Variants in POLH observed in about 807,000 individuals in gnomAD.
The protein encoded by POLH is DNA polymerase eta.
Under a neutral mutation model 73.6 loss-of-function variants are expected in POLH, and 53 were observed. The observed-to-expected ratio is 0.72, with a 90% CI of 0.58 to 0.91. POLH has a LOEUF of 0.91. POLH is among the 40% of genes least tolerant of loss of function. POLH has a pLI of 0.00. For missense variants in POLH, 768 were observed against 865.4 expected, an observed-to-expected ratio of 0.89 and a Z score of 1.41; for synonymous variants, 292 against 308.5, an observed-to-expected ratio of 0.95 and a Z score of 0.56.
intron 1 of POLH, chr6:43,578,395 A>G (rs1440336171): frequency 6.9e-6 from 3 of 437,236 alleles, no homozygotes; most frequent in African/African-American, 6.2e-5. Context: ...CTCAAAAACA[A>G]CAACAACAAC....
chr6:43,580,874 G>C (rs1443053924), intron 1 of POLH, among the ~76,000 whole-genome samples: 1 of 142,818 alleles, frequency 7.0e-6, no homozygotes, highest in Non-Finnish European at 1.5e-5. Flanking sequence ...CAGACGGGGC[G>C]GCTGGCCGGG....
chr6:43,598,545 G>T (rs1282342904), intron 5 of POLH, among the ~76,000 whole-genome samples: 1 of 151,710 alleles, frequency 6.6e-6, no homozygotes, highest in Non-Finnish European at 1.5e-5. Context: ...TGAGGCAGGA[G>T]AATTGCTTTA....
At chr6:43,583,189 T>C (rs756991814) in intron 3 of POLH, 48 bp downstream of exon 3, 1 of 1,550,568 alleles carries the variant, frequency 6.4e-7, no homozygotes, top group East Asian at 2.3e-5. Flanking sequence ...TCGAAAATAA[T>C]ACTCCATGAG....
At chr6:43,610,445 C>T (rs1484195520) in intron 9 of POLH, 109 bp from the exon 10 acceptor site, 1 of 880,756 alleles carries the variant, frequency 1.1e-6, no homozygotes, top group South Asian at 1.4e-5. Flanking sequence ...CTACTGTTTC[C>T]AAACCATTGT....
In POLH at chr6:43,607,952, G is replaced by A. The variant is rs531429723; in HGVS notation, c.1075-2602G>A. On this transcript the variant is annotated intron_variant, in intron 9 of 10. Coordinates refer to ENST00000372236, the MANE Select transcript of POLH (RefSeq NM_006502.3). ...TCGAGGGTAGCCTGGCCAACATGGC[G>A]AAACCCTGTCTCTACTAAAAATACA... Among the ~76,000 whole-genome samples, 45 of 152,252 alleles carry A rather than the reference G, an allele frequency of 3.0e-4. 1 individual carries two copies. The South Asian group carries it at 7.5e-3, about 25-fold the overall frequency.
intron 4 of POLH, among the ~76,000 whole-genome samples, chr6:43,589,897 T>C (rs1765247575): frequency 6.6e-6 from 1 of 152,132 alleles, no homozygotes; most frequent in Admixed American, 6.6e-5. Context: ...CATTTTCTAC[T>C]TGATTATTGA....
Position 43,617,452 on chromosome 6 carries a change from C to A in POLH, c.*2895C>A, listed in dbSNP as rs1381992171. On this transcript the variant is annotated 3_prime_UTR_variant, in exon 11 of 11. Coordinates refer to ENST00000372236, the MANE Select transcript of POLH (RefSeq NM_006502.3). ...ACCAGGCTGGCCAACATGGGGAAAA[C>A]CCATCTCTACAAAAAATAACAAAAA... Among the ~76,000 whole-genome samples the A allele has an allele frequency of 6.6e-6, 1 of 151,484 alleles. No homozygotes were observed. Among genetic ancestry groups the A allele is most frequent in the Non-Finnish European group, 1.5e-5 (1 of 67,950 alleles).
At chr6:43,607,275 A>G (rs1314690749) in intron 9 of POLH, among the ~76,000 whole-genome samples, 1 of 152,098 alleles carries the variant, frequency 6.6e-6, no homozygotes, top group African/African-American at 2.4e-5. Flanking sequence ...TTGTATTTTT[A>G]GTAGAGATAG....
intron 9 of POLH, among the ~76,000 whole-genome samples, chr6:43,605,748 C>T (rs555340843): frequency 6.6e-6 from 1 of 151,798 alleles, no homozygotes. Flanking sequence ...ATAGAGTTTT[C>T]CCTCTTGCTG....
chr6:43,609,891 T>A (rs1767693507), intron 9 of POLH, among the ~76,000 whole-genome samples: 1 of 152,092 alleles, frequency 6.6e-6, no homozygotes, highest in Middle Eastern at 3.2e-3. Flanking sequence ...GCTGTCCTGT[T>A]CCCATCATCT....
intron 4 of POLH, 24 bp downstream of exon 4, chr6:43,587,513 T>C (rs1479700924): frequency 6.6e-7 from 1 of 1,511,610 alleles, no homozygotes. Context: ...ATCATACTGC[T>C]TCTGCTTCCT....
chr6:43,590,248 A>G (rs987781417), intron 4 of POLH, among the ~76,000 whole-genome samples: 1 of 151,964 alleles, frequency 6.6e-6, no homozygotes, highest in Non-Finnish European at 1.5e-5. Context: ...AATCCCAGCT[A>G]TTCGGGAGGC....
At position 43,610,568 on chromosome 6, in the gene POLH, C is replaced by T. The variant is rs749381718; in HGVS notation, c.1089C>T (p.Ala363=). Residue 363 remains alanine, a synonymous_variant, in exon 10 of 11, where the codon GCC becomes GCT. Coordinates refer to ENST00000372236, the MANE Select transcript of POLH (RefSeq NM_006502.3). ...TKDRNDNDRV[A]TQLVVSIRVQ... is the part of the protein sequence containing the mutation. Reference sequence around the variant, plus strand: ...TCCACCCACAGAATGACAGGGTAGCCACCCAGCTGGTTGTGAGCATTCGTG... The same window carrying T: ...TCCACCCACAGAATGACAGGGTAGCTACCCAGCTGGTTGTGAGCATTCGTG... 3 of 1,613,984 alleles carry T rather than the reference C, an allele frequency of 1.9e-6. No homozygotes were observed. The highest frequency in any genetic ancestry group is 2.5e-6 in the Non-Finnish European group (3 of 1,179,958).
At chr6:43,590,686 G>T (rs1010736413) in intron 4 of POLH, among the ~76,000 whole-genome samples, 5 of 151,986 alleles carry the variant, frequency 3.3e-5, no homozygotes, top group African/African-American at 1.2e-4. Context: ...ACTTTGGGAG[G>T]CCAAGGCAGG....
rs9333550 is a variant in POLH, at chr6:43,605,156, A to G, written c.1009-98A>G. On this transcript the variant is annotated intron_variant, in intron 8 of 10. Coordinates refer to ENST00000372236, the MANE Select transcript of POLH (RefSeq NM_006502.3). The stretch of plus-strand genomic sequence containing the variant: ...GATTATGGGGAGTCTTTGGTGCACA[A>G]TTCTGTTTGGGAGAAAAAAAAGAAC... 203 of 763,394 alleles carry G rather than the reference A, an allele frequency of 2.7e-4. 1 individual carries two copies. In the African/African-American group the frequency reaches 2.7e-3, roughly 10 times the overall value. 47.3% of individuals were successfully genotyped at this position (763,394 alleles called of 1,614,324 possible).
chr6:43,587,946 G>C (rs1449241248), intron 4 of POLH, among the ~76,000 whole-genome samples: 1 of 152,130 alleles, frequency 6.6e-6, no homozygotes, highest in African/African-American at 2.4e-5. Flanking sequence ...AGATTTGCTT[G>C]AACCAGGACC....
At chr6:43,609,683 G>A (rs966760634) in intron 9 of POLH, among the ~76,000 whole-genome samples, 6 of 152,138 alleles carry the variant, frequency 3.9e-5, no homozygotes, top group South Asian at 2.1e-4. Context: ...AATTGGTGGC[G>A]AATGTTTGTT....
At chr6:43,578,490 AGCCTG>A in intron 1 of POLH, 1 of 405,888 alleles carries the variant, frequency 2.5e-6, no homozygotes, top group South Asian at 1.8e-5. Flanking sequence ...TATTTAAAGC[AGCCTG>A]GCGGGGGGAC....
intron 2 of POLH, 116 bp from the exon 3 acceptor site, chr6:43,582,891 G>A: frequency 2.4e-6 from 2 of 843,904 alleles, no homozygotes; most frequent in Non-Finnish European, 1.9e-6. Context: ...ATTGAATGAT[G>A]GCATCTGTGG....
Sources: allele counts gnomAD v4.1 joint callset (sites outside exome capture counted in the v4.1 genomes callset), GRCh38; gene constraint gnomAD v4.1.1; transcripts MANE v1.5; gene names NCBI Gene and HGNC (gene_info 2026-07-23, HGNC 2026-07-21).